The following TEC variants were observed in gnomAD, a reference collection of about 807,000 sequenced individuals.
TEC encodes the protein tyrosine-protein kinase Tec.
Under a neutral mutation model 93.0 loss-of-function variants are expected in TEC, and 72 were observed. That is an observed-to-expected ratio of 0.77 (90% CI 0.64 to 0.94). The LOEUF is 0.94. TEC is among the 40% of genes least tolerant of loss of function. TEC has a pLI of 0.00. For missense variants in TEC, 630 were observed against 757.9 expected (o/e 0.83, Z 1.98); for synonymous variants, 249 against 247.7 (o/e 1.01, Z -0.05).
chr4:48,137,158 C>T lies in TEC; in HGVS notation c.*258G>A. 2.1e-6 allele frequency: 1 copy of T among 472,658 alleles called. No homozygotes were observed. The highest frequency in any genetic ancestry group is 3.8e-6 in the Non-Finnish European group (1 of 263,912). 29.3% of individuals were successfully genotyped at this position (472,658 alleles called of 1,614,324 possible). On this transcript the variant is annotated 3_prime_UTR_variant, in exon 18 of 18. Transcript: ENST00000381501. ...GGGGCTACACACAGTGCCTGGTAAA[C>T]AACTGTCACTCAAGTGCCTGAGGAA...
intron 11 of TEC, among the ~76,000 whole-genome samples, chr4:48,147,957 C>G (rs1165014910): frequency 6.6e-6 from 1 of 152,080 alleles, no homozygotes; most frequent in African/African-American, 2.4e-5. Context: ...ATGTCAAAAA[C>G]AGTTAAGTCA....
chr4:48,152,987 T>C (rs1056354691), intron 9 of TEC, among the ~76,000 whole-genome samples: 1 of 152,202 alleles, frequency 6.6e-6, no homozygotes, highest in Admixed American at 6.5e-5. Flanking sequence ...CTAACTCCTT[T>C]TCTTACAGAT....
chr4:48,266,528 C>A (rs1329842628), intron 1 of TEC, among the ~76,000 whole-genome samples: 1 of 152,102 alleles, frequency 6.6e-6, no homozygotes, highest in Non-Finnish European at 1.5e-5. Context: ...AATGAACAAA[C>A]AAATCCATTA....
chr4:48,139,581 A>C (rs749464260), intron 15 of TEC, among the ~76,000 whole-genome samples: 2 of 152,246 alleles, frequency 1.3e-5, no homozygotes, highest in Non-Finnish European at 2.9e-5. Flanking sequence ...ACATCCCCAC[A>C]TACATACATA....
At chr4:48,172,686 A>G (rs1721164427) in intron 3 of TEC, among the ~76,000 whole-genome samples, 3 of 152,226 alleles carry the variant, frequency 2.0e-5, no homozygotes, top group Admixed American at 2.0e-4. Flanking sequence ...TGCATAAGAC[A>G]CAAAAATGAA....
At chr4:48,264,603 T>C (rs1724584430) in intron 1 of TEC, among the ~76,000 whole-genome samples, 1 of 150,594 alleles carries the variant, frequency 6.6e-6, no homozygotes, top group African/African-American at 2.4e-5. Flanking sequence ...CCCCCTACCA[T>C]GAATTCCCCA....
At chr4:48,191,150 T>C (rs1480140074) in intron 2 of TEC, among the ~76,000 whole-genome samples, 3 of 152,234 alleles carry the variant, frequency 2.0e-5, no homozygotes, top group Non-Finnish European at 4.4e-5. Flanking sequence ...CTTAAAATTA[T>C]TAGATTAACA....
rs1190388589 is a variant in TEC, at chr4:48,135,818, A to T, written c.*1598T>A. On this transcript the variant is annotated 3_prime_UTR_variant, in exon 18 of 18. Transcript: ENST00000381501. ...GATAAGCAGTTTACTTTCTTCCATT[A>T]TGAGGGGCACAGGAAAAGAATAAAC... 6.6e-6 allele frequency: 1 copy of T among 152,268 alleles called. No individual in the cohort carries two copies. Among genetic ancestry groups the T allele is most frequent in the African/African-American group, 2.4e-5 (1 of 41,462 alleles). The allele number at this position is 152,268 out of a possible 1,614,324, so 9.4% of individuals were successfully genotyped here. A position where few individuals can be genotyped will look rare whatever the true frequency, so the allele number is the denominator to read the frequency against.
chr4:48,160,904 TA>T lies in TEC; in HGVS notation c.737+2797del, dbSNP rs200029660. 6.5e-3 allele frequency among the ~76,000 whole-genome samples: 770 copies of T among 117,860 alleles called. 17 individuals carry two copies. The East Asian group carries it at 0.12, about 19-fold the overall frequency. 77.3% of individuals were successfully genotyped at this position (117,860 alleles called of 152,430 possible). The stretch of plus-strand genomic sequence containing the variant: ...AGCAGCGGGTTGAAAAGTAGGGATT[TA>T]AAAAAAAAAAGCATGCCACAGAAAA... On this transcript the variant is annotated intron_variant, in intron 8 of 17. Coordinates refer to ENST00000381501, the MANE Select transcript of TEC (RefSeq NM_003215.3).
chr4:48,177,777 CA>C (rs1721389694), intron 2 of TEC, among the ~76,000 whole-genome samples: 1 of 152,190 alleles, frequency 6.6e-6, no homozygotes, highest in Non-Finnish European at 1.5e-5. Flanking sequence ...ATCATGGCCG[CA>C]GTTTCCCACA....
At chr4:48,206,068 C>A (rs893853473) in intron 2 of TEC, among the ~76,000 whole-genome samples, 36 of 152,206 alleles carry the variant, frequency 2.4e-4, no homozygotes, top group Admixed American at 2.0e-4. Context: ...GTGGAAAAAA[C>A]CAGACACAAA....
intron 3 of TEC, among the ~76,000 whole-genome samples, chr4:48,171,869 C>T (rs868313845): frequency 7.2e-5 from 11 of 152,218 alleles, no homozygotes; most frequent in Admixed American, 1.3e-4. Flanking sequence ...GCACCGACTA[C>T]GCCAGCACTG....
chr4:48,145,160 T>C lies in TEC; in HGVS notation c.1389A>G (p.Arg463=). 6.2e-7 allele frequency: 1 copy of C among 1,614,102 alleles called. No individual in the cohort carries two copies. The highest frequency in any genetic ancestry group is 8.5e-7 in the Non-Finnish European group (1 of 1,180,004). ...FLRQRQGHFS[R]DVLLSMCQDV... Reference sequence around the variant, plus strand: ...CCTGACACATGCTCAGCAGTACGTCTCTACTGAAATGACCTTGTCTCTGTC... The same window carrying C: ...CCTGACACATGCTCAGCAGTACGTCCCTACTGAAATGACCTTGTCTCTGTC... The change falls in exon 14 of 18, where the codon AGA becomes AGG. Residue 463 remains arginine (R), a synonymous_variant. Coordinates refer to ENST00000381501, the MANE Select transcript of TEC (RefSeq NM_003215.3).
At chr4:48,248,185 C>A (rs1724109393) in intron 1 of TEC, among the ~76,000 whole-genome samples, 1 of 151,574 alleles carries the variant, frequency 6.6e-6, no homozygotes, top group Admixed American at 6.6e-5. Context: ...TTGATTAGAA[C>A]AAAAACAAAA....
chr4:48,209,521 G>A (rs754494252), intron 2 of TEC, among the ~76,000 whole-genome samples: 1 of 152,182 alleles, frequency 6.6e-6, no homozygotes, highest in African/African-American at 2.4e-5. Context: ...GCTGAGGTGG[G>A]AGGATGGCCT....
intron 2 of TEC, among the ~76,000 whole-genome samples, chr4:48,193,984 C>T (rs16861113): frequency 0.049 from 7,409 of 152,146 alleles, 209 homozygotes; most frequent in African/African-American, 0.064. Context: ...AATCCAAATA[C>T]GCAATGGCCA....
At chr4:48,239,670 T>G (rs968933866) in intron 1 of TEC, among the ~76,000 whole-genome samples, 1 of 152,312 alleles carries the variant, frequency 6.6e-6, no homozygotes. Flanking sequence ...TGTCTATATA[T>G]TCTTTTCTCA....
intron 4 of TEC, among the ~76,000 whole-genome samples, chr4:48,170,857 C>G (rs1168918804): frequency 6.6e-6 from 1 of 152,150 alleles, no homozygotes; most frequent in Non-Finnish European, 1.5e-5. Flanking sequence ...TCAAGGCCAG[C>G]CTGGCCAACA....
rs1377222719 is a variant in TEC, at chr4:48,215,465, C to A, written c.138+13012G>T. ...GAGACTGCAGTGAGCTGGGATTGCG[C>A]CACTGTACTCCAGTCTGGGCAATAG... On this transcript the variant is annotated intron_variant, in intron 2 of 17. Transcript: ENST00000381501. Among the ~76,000 whole-genome samples the A allele has an allele frequency of 2.0e-5, 3 of 152,156 alleles. No individual in the cohort carries two copies. The East Asian group carries it at 5.8e-4, about 29-fold the overall frequency.
Sources: allele counts gnomAD v4.1 joint callset (sites outside exome capture counted in the v4.1 genomes callset), GRCh38; gene constraint gnomAD v4.1.1; transcripts MANE v1.5; gene names NCBI Gene and HGNC (gene_info 2026-07-23, HGNC 2026-07-21).